The following RAB20 variants were observed in gnomAD, a reference collection of about 807,000 sequenced individuals.
The protein encoded by RAB20 is ras-related protein Rab-20.
Under a neutral mutation model 3.7 loss-of-function variants are expected in RAB20, and 2 were observed. That is an observed-to-expected ratio of 0.54 (90% CI 0.22 to 1.69). The LOEUF (loss-of-function observed/expected upper bound fraction) is 1.69. Among genes scored for constraint, RAB20 ranks in the 40% most tolerant of loss-of-function variants. The pLI, the probability that RAB20 is intolerant of heterozygous loss-of-function variation, is 0.19. For synonymous variants in RAB20, 126 were observed against 130.8 expected (o/e 0.96, Z 0.25); for missense variants, 276 against 311.9 (o/e 0.88, Z 0.87).
Position 110,561,569 on chromosome 13 carries a change from C to G in RAB20, c.-50G>C. On this transcript the variant is annotated 5_prime_UTR_variant, in exon 1 of 2. Coordinates refer to ENST00000267328, the MANE Select transcript of RAB20 (RefSeq NM_017817.3). ...CCCGCGCCCTCTCCCCGAGGCTGGC[C>G]GGCTCGTGCGCCCTGGGCGCAGCTG... 1 of 1,502,816 alleles carries G rather than the reference C, an allele frequency of 6.7e-7. No individual in the cohort carries two copies. Among genetic ancestry groups the G allele is most frequent in the South Asian group, 1.3e-5 (1 of 75,532 alleles). 93.1% of individuals were successfully genotyped at this position (1,502,816 alleles called of 1,614,324 possible). A position where few individuals can be genotyped will look rare whatever the true frequency, so the allele number is the denominator to read the frequency against.
chr13:110,548,778 G>A (rs1436991160), intron 1 of RAB20, among the ~76,000 whole-genome samples: 1 of 152,100 alleles, frequency 6.6e-6, no homozygotes, highest in Non-Finnish European at 1.5e-5. Flanking sequence ...CCTGTGGCAA[G>A]CTCCCTAGGC....
intron 1 of RAB20, among the ~76,000 whole-genome samples, chr13:110,545,423 T>C (rs1197571367): frequency 6.6e-6 from 1 of 152,252 alleles, no homozygotes; most frequent in African/African-American, 2.4e-5. Context: ...CAGCAAGTGT[T>C]AGAAATCGTA....
intron 1 of RAB20, among the ~76,000 whole-genome samples, chr13:110,557,216 C>G (rs910964531): frequency 6.6e-6 from 1 of 152,190 alleles, no homozygotes; most frequent in South Asian, 2.1e-4. Flanking sequence ...TCAGCTGAGT[C>G]GTGCCCCACA....
chr13:110,543,028 T>C (rs1053162148), intron 1 of RAB20, among the ~76,000 whole-genome samples: 1 of 152,264 alleles, frequency 6.6e-6, no homozygotes, highest in East Asian at 1.9e-4. Flanking sequence ...CTAACTTGGC[T>C]GTCTCTGCAA....
chr13:110,549,694 C>T (rs879681718), intron 1 of RAB20, among the ~76,000 whole-genome samples: 29 of 150,722 alleles, frequency 1.9e-4, no homozygotes, highest in South Asian at 6.3e-4. Context: ...AGACTGCACC[C>T]TTTTTATCCA....
chr13:110,538,067 A>G (rs2391841), intron 1 of RAB20, among the ~76,000 whole-genome samples: 51,930 of 151,454 alleles, frequency 0.34, 10,014 homozygotes, highest in African/African-American at 0.52. Context: ...TGGCAAAACC[A>G]CATCTCTACA....
chr13:110,557,640 C>T (rs1283963495), intron 1 of RAB20, among the ~76,000 whole-genome samples: 2 of 152,248 alleles, frequency 1.3e-5, no homozygotes, highest in Non-Finnish European at 2.9e-5. Flanking sequence ...ATGCAAAATG[C>T]ACTCACTCTC....
chr13:110,553,338 G>A (rs1884988535), intron 1 of RAB20, among the ~76,000 whole-genome samples: 1 of 152,244 alleles, frequency 6.6e-6, no homozygotes, highest in African/African-American at 2.4e-5. Context: ...AGAGCTGCTT[G>A]TTGAGTTGAA....
intron 1 of RAB20, among the ~76,000 whole-genome samples, chr13:110,554,875 GGGAGGGAGGGACCT>G (rs1486229115): frequency 6.6e-6 from 1 of 152,154 alleles, no homozygotes; most frequent in Non-Finnish European, 1.5e-5. Context: ...ATTTCGGCTT[GGGAGGGAGGGACCT>G]GATCCACTGA....
At chr13:110,561,280 G>A in intron 1 of RAB20, 68 bp downstream of exon 1, 1 of 1,470,460 alleles carries the variant, frequency 6.8e-7, no homozygotes, top group East Asian at 2.8e-5. Flanking sequence ...GTGCCCTGCT[G>A]GAAGCCCCGC....
chr13:110,551,548 G>C (rs1224359631), intron 1 of RAB20, among the ~76,000 whole-genome samples: 1 of 152,174 alleles, frequency 6.6e-6, no homozygotes, highest in East Asian at 1.9e-4. Flanking sequence ...AGGTGCAGAA[G>C]AGACAGCACC....
chr13:110,556,814 G>A (rs549004089), intron 1 of RAB20, among the ~76,000 whole-genome samples: 1 of 152,332 alleles, frequency 6.6e-6, no homozygotes, highest in South Asian at 2.1e-4. Context: ...TTACAGGCAG[G>A]AGCTACCATG....
chr13:110,554,498 G>T (rs745393752), intron 1 of RAB20, among the ~76,000 whole-genome samples: 11 of 152,180 alleles, frequency 7.2e-5, no homozygotes, highest in Non-Finnish European at 1.2e-4. Context: ...AGCCACCTTT[G>T]TCCTTCACAA....
chr13:110,525,032 T>C (rs927099573), intron 1 of RAB20, among the ~76,000 whole-genome samples: 1 of 152,032 alleles, frequency 6.6e-6, no homozygotes, highest in African/African-American at 2.4e-5. Flanking sequence ...ACACATTGGC[T>C]ACTGACAAGG....
At chr13:110,544,896 G>A (rs909128664) in intron 1 of RAB20, among the ~76,000 whole-genome samples, 2 of 152,224 alleles carry the variant, frequency 1.3e-5, no homozygotes, top group Non-Finnish European at 2.9e-5. Context: ...GGGACCCACA[G>A]GGAGGCAATT....
At position 110,555,852 on chromosome 13, in the gene RAB20, G is replaced by A. The variant is rs1885030317; in HGVS notation, c.172+5496C>T. Among the ~76,000 whole-genome samples the A allele has an allele frequency of 6.6e-6, 1 of 152,130 alleles. No homozygotes were observed. Among genetic ancestry groups the A allele is most frequent in the African/African-American group, 2.4e-5 (1 of 41,420 alleles). Reference sequence around the variant, plus strand: ...CCCAGCCTTCCCTCCTCTCGCCGTGGCCTCCCCATTTATTAGAGACTTGTT... The same window carrying A: ...CCCAGCCTTCCCTCCTCTCGCCGTGACCTCCCCATTTATTAGAGACTTGTT... On this transcript the variant is annotated intron_variant, in intron 1 of 1. Coordinates refer to ENST00000267328, the MANE Select transcript of RAB20 (RefSeq NM_017817.3). This position sits in a 1 kb window ranked among gnomAD's most constrained non-coding sequence, Gnocchi z 4.0.
chr13:110,540,857 T>C (rs1232879910), intron 1 of RAB20, among the ~76,000 whole-genome samples: 1 of 152,174 alleles, frequency 6.6e-6, no homozygotes, highest in Middle Eastern at 3.2e-3. Context: ...AAATAGTGTC[T>C]ACAAAGAAGG....
intron 1 of RAB20, among the ~76,000 whole-genome samples, chr13:110,540,761 A>G (rs926793549): frequency 6.7e-6 from 1 of 148,602 alleles, no homozygotes. Flanking sequence ...AAAAAAAGTT[A>G]AAATAGTAAA....
chr13:110,550,982 G>C (rs1422763811), intron 1 of RAB20, among the ~76,000 whole-genome samples: 1 of 152,092 alleles, frequency 6.6e-6, no homozygotes, highest in African/African-American at 2.4e-5. Flanking sequence ...ACAGCACTCA[G>C]GACAATGATA....
Sources: gnomAD v4.1 joint callset for allele counts (sites outside exome capture counted in the v4.1 genomes callset) on GRCh38, gnomAD v4.1.1 for gene constraint, Gnocchi (gnomAD v3.1) non-coding constraint, MANE v1.5 for transcripts, NCBI Gene and HGNC (gene_info 2026-07-23, HGNC 2026-07-21) for gene names.